The following GYG2 variants were observed in gnomAD, a reference collection of about 807,000 sequenced individuals.
GYG2 encodes the protein glycogenin-2.
In GYG2, 29 loss-of-function variants were observed where a neutral mutation model predicts 29.4. The ratio of observed to expected loss-of-function variants is 0.99; its 90% CI spans 0.74 to 1.35. The LOEUF (loss-of-function observed/expected upper bound fraction) is 1.35. GYG2 is among the 40% of genes most tolerant of loss of function. GYG2 has a pLI of 0.00. For synonymous variants in GYG2, 167 were observed against 172.3 expected (o/e 0.97, Z 0.24); for missense variants, 370 against 385.7 (o/e 0.96, Z 0.34).
At chrX:2,880,885 C>A (rs1030006462) in intron 10 of GYG2, among the ~76,000 whole-genome samples, 167 bp from the exon 11 acceptor site, 1 of 111,943 alleles carries the variant, frequency 8.9e-6, no homozygotes, top group Non-Finnish European at 1.9e-5. Flanking sequence ...CCAGCCTGGA[C>A]GACAGAGACC....
rs139946778 is a variant in GYG2, at chrX:2,834,829, A to G, written c.7+4634A>G. Among the ~76,000 whole-genome samples the G allele has an allele frequency of 1.6e-3, 179 of 112,000 alleles. 3 individuals are homozygous for G. The highest frequency in any genetic ancestry group is 6.7e-3 in the East Asian group (24 of 3,582). On this transcript the variant is annotated intron_variant, in intron 2 of 10. Coordinates refer to ENST00000398806, the MANE Select transcript of GYG2 (RefSeq NM_001079855.2). ...TGGACTGGGATAAGCAGTGTCCCCC[A>G]TAAAACTCATGTCCCCCCAGAAGCT...
intron 6 of GYG2, 128 bp downstream of exon 6, chrX:2,856,752 G>GTATGTATC (rs1555898843): frequency 1.1e-4 from 18 of 166,322 alleles, no homozygotes; most frequent in African/African-American, 6.5e-4. Context: ...ATCTATCTAT[G>GTATGTATC]TATCTATCTA....
At chrX:2,851,118 G>A (rs1305100576) in intron 3 of GYG2, among the ~76,000 whole-genome samples, 1 of 112,144 alleles carries the variant, frequency 8.9e-6, no homozygotes, top group African/African-American at 3.2e-5. Flanking sequence ...ATACAGTAGT[G>A]TAGGAGGCAG....
chrX:2,855,267 G>A (rs1272582610), intron 5 of GYG2, 112 bp downstream of exon 5: 1 of 629,825 alleles, frequency 1.6e-6, no homozygotes, highest in African/African-American at 2.2e-5. Context: ...CAGCGACAGG[G>A]ATGCGGTCTG....
chrX:2,839,311 T>G, intron 2 of GYG2, among the ~76,000 whole-genome samples: 1 of 111,704 alleles, frequency 9.0e-6, no homozygotes. Flanking sequence ...TCCTGCCTCT[T>G]TGTTGGCTTG....
intron 3 of GYG2, among the ~76,000 whole-genome samples, chrX:2,847,417 G>C (rs755509851): frequency 9.2e-6 from 1 of 109,023 alleles, no homozygotes; most frequent in African/African-American, 3.3e-5. Flanking sequence ...GGCCGGCCAC[G>C]GTGGCTCATG....
chrX:2,878,608 A>T (rs1296247763), intron 10 of GYG2, among the ~76,000 whole-genome samples: 3 of 110,884 alleles, frequency 2.7e-5, no homozygotes, highest in African/African-American at 9.8e-5. Flanking sequence ...TGAGGTGGAG[A>T]CTGGGTTGCC....
intron 6 of GYG2, 139 bp downstream of exon 6, chrX:2,856,763 T>TCTATCTAC (rs374979799): frequency 2.7e-6 from 1 of 377,090 alleles, no homozygotes; most frequent in African/African-American, 3.2e-5. Context: ...TATCTATCTA[T>TCTATCTAC]CTATCTATCT....
chrX:2,834,207 G>A (rs2087326126), intron 2 of GYG2, among the ~76,000 whole-genome samples: 1 of 111,955 alleles, frequency 8.9e-6, no homozygotes, highest in African/African-American at 3.2e-5. Context: ...TCTTATTGGA[G>A]GCAGGAGACA....
chrX:2,832,368 CAG>C (rs1405574677), intron 2 of GYG2, among the ~76,000 whole-genome samples: 1 of 108,589 alleles, frequency 9.2e-6, no homozygotes, highest in Non-Finnish European at 1.9e-5. Flanking sequence ...AAGAGAGAAA[CAG>C]GGTATCCAGT....
chrX:2,841,034 T>C (rs1239050914), intron 2 of GYG2, among the ~76,000 whole-genome samples: 1 of 109,452 alleles, frequency 9.1e-6, no homozygotes, highest in African/African-American at 3.3e-5. Context: ...GATGGATAGA[T>C]AGATGATAAA....
At chrX:2,844,646 A>G (rs867244135) in intron 3 of GYG2, among the ~76,000 whole-genome samples, 1 of 21,451 alleles carries the variant, frequency 4.7e-5, no homozygotes, top group Non-Finnish European at 7.2e-5. Context: ...GTATATGTGT[A>G]TACGCACACG....
In GYG2 at chrX:2,849,235, T is replaced by C. The variant is rs1326325440; in HGVS notation, c.150-4745T>C. Among the ~76,000 whole-genome samples, 7 of 111,354 alleles carry C rather than the reference T, an allele frequency of 6.3e-5. No individual in the cohort carries two copies. In the Admixed American group the frequency reaches 6.8e-4, roughly 11 times the overall value. On this transcript the variant is annotated intron_variant, in intron 3 of 10. Coordinates refer to ENST00000398806, the MANE Select transcript of GYG2 (RefSeq NM_001079855.2). ...TTGCCCTCCCCCCAGCCCGGATCTT[T>C]ACGCAACTGTGGTGAAGATGCCATA...
intron 4 of GYG2, 82 bp from the exon 5 acceptor site, chrX:2,854,911 G>A (rs1011831101): frequency 4.6e-6 from 5 of 1,086,152 alleles, no homozygotes; most frequent in African/African-American, 3.6e-5. Context: ...CAGCCTGGGC[G>A]ACAGAGCAAG....
At chrX:2,866,978 C>G (rs760101571) in intron 8 of GYG2, among the ~76,000 whole-genome samples, 1 of 110,872 alleles carries the variant, frequency 9.0e-6, no homozygotes, top group South Asian at 3.9e-4. Flanking sequence ...GGAAAAAAAT[C>G]TCAAGAATTG....
intron 3 of GYG2, among the ~76,000 whole-genome samples, chrX:2,847,533 C>CAAAAAAA: frequency 1.8e-5 from 1 of 56,258 alleles, no homozygotes; most frequent in Non-Finnish European, 3.2e-5. Flanking sequence ...ACTAAAAGTA[C>CAAAAAAA]AAAAAAAAAA....
At chrX:2,841,721 G>A (rs924415994) in intron 2 of GYG2, among the ~76,000 whole-genome samples, 3 of 111,641 alleles carry the variant, frequency 2.7e-5, no homozygotes, top group Non-Finnish European at 5.6e-5. Context: ...GCGAATTGTG[G>A]GTTGGCTTTG....
At chrX:2,855,912 G>A (rs1188510515) in intron 5 of GYG2, among the ~76,000 whole-genome samples, 3 of 111,766 alleles carry the variant, frequency 2.7e-5, no homozygotes, top group African/African-American at 9.7e-5. Context: ...TTGACAGAGT[G>A]AGACCCTGTC....
At chrX:2,863,422 C>G (rs1038984853) in intron 8 of GYG2, among the ~76,000 whole-genome samples, 4 of 111,820 alleles carry the variant, frequency 3.6e-5, no homozygotes, top group African/African-American at 1.3e-4. Flanking sequence ...AGTTTCTCAA[C>G]AGAATTATTT....
Sources: gnomAD v4.1 joint callset for allele counts (sites outside exome capture counted in the v4.1 genomes callset) on GRCh38, gnomAD v4.1.1 for gene constraint, MANE v1.5 for transcripts, NCBI Gene and HGNC (gene_info 2026-07-23, HGNC 2026-07-21) for gene names.